The following ST7 variants were observed in gnomAD, a reference collection of about 807,000 sequenced individuals.
The protein encoded by ST7 is suppressor of tumorigenicity 7 protein.
ST7 carries 28 observed loss-of-function variants against 78.7 expected under a neutral mutation model. That is an observed-to-expected ratio of 0.36 (90% CI 0.26 to 0.49). The LOEUF (loss-of-function observed/expected upper bound fraction) is 0.49, where lower values mean the gene tolerates loss of function less well. Ranked by LOEUF, ST7 falls within the 20% of genes least tolerant of loss-of-function variation. The pLI, the probability that ST7 is intolerant of heterozygous loss-of-function variation, is 0.99. For synonymous variants in ST7, 247 were observed against 249.6 expected, an observed-to-expected ratio of 0.99 and a Z score of 0.10; for missense variants, 418 against 696.0, an observed-to-expected ratio of 0.60 and a Z score of 4.49.
At chr7:117,132,008 C>G in intron 6 of ST7, 48 bp downstream of exon 6, 1 of 1,526,150 alleles carries the variant, frequency 6.6e-7, no homozygotes, top group Non-Finnish European at 9.1e-7. Context: ...TCATCCTTTG[C>G]TGAATATATT....
intron 1 of ST7, among the ~76,000 whole-genome samples, chr7:117,097,832 A>G (rs1237986366): frequency 1.6e-5 from 2 of 128,476 alleles, no homozygotes; most frequent in Non-Finnish European, 3.2e-5. Context: ...CTATATATAT[A>G]TATATATATA....
intron 9 of ST7, among the ~76,000 whole-genome samples, chr7:117,147,427 G>A (rs886873213): frequency 6.6e-6 from 1 of 152,000 alleles, no homozygotes; most frequent in Non-Finnish European, 1.5e-5. Flanking sequence ...CTATGCCCAT[G>A]TATCTCAGTA....
chr7:117,165,202 G>A (rs971995083), intron 9 of ST7, among the ~76,000 whole-genome samples: 5 of 152,124 alleles, frequency 3.3e-5, no homozygotes, highest in Admixed American at 1.3e-4. Context: ...TAAAAGTTAC[G>A]CTTAGGAGCT....
At chr7:117,196,624 C>CTTTTTTTTTTTTTTTTTTTTTTTT (rs56133709) in intron 12 of ST7, among the ~76,000 whole-genome samples, 1 of 59,504 alleles carries the variant, frequency 1.7e-5, no homozygotes, top group African/African-American at 6.5e-5. Flanking sequence ...GATTGTTGGG[C>CTTTTTTTTTTTTTTTTTTTTTTTT]TTTTTTTTTT....
At chr7:116,968,385 T>G (rs1406062904) in intron 1 of ST7, 8 of 439,512 alleles carry the variant, frequency 1.8e-5, no homozygotes, top group Admixed American at 2.4e-5. Context: ...TCTTTTTGCT[T>G]CTTCTTGAGA....
At chr7:117,183,989 C>T (rs1369325386) in intron 10 of ST7, 3 of 152,074 alleles carry the variant, frequency 2.0e-5, no homozygotes, top group Non-Finnish European at 4.4e-5. Context: ...GTGAAAGGAA[C>T]CAGACAAAAA....
chr7:116,996,039 C>G (rs1240169677), intron 1 of ST7, among the ~76,000 whole-genome samples: 1 of 150,586 alleles, frequency 6.6e-6, no homozygotes, highest in African/African-American at 2.4e-5. Flanking sequence ...ACTGATGTGT[C>G]TTCCACTTTT....
chr7:117,109,272 A>T (rs964701122), intron 2 of ST7, among the ~76,000 whole-genome samples: 1 of 152,166 alleles, frequency 6.6e-6, no homozygotes, highest in Non-Finnish European at 1.5e-5. Flanking sequence ...TGTCCCTTCT[A>T]TGCCAATTCT....
At chr7:117,033,664 T>C (rs1796726119) in intron 1 of ST7, among the ~76,000 whole-genome samples, 1 of 152,166 alleles carries the variant, frequency 6.6e-6, no homozygotes. Flanking sequence ...CCTCAGTTGA[T>C]CCACCTGCCT....
intron 12 of ST7, among the ~76,000 whole-genome samples, chr7:117,204,746 C>T (rs182300942): frequency 6.6e-6 from 1 of 152,224 alleles, no homozygotes; most frequent in African/African-American, 2.4e-5. Flanking sequence ...GAGCCAGTTG[C>T]ACCAAAGCAT....
chr7:117,084,290 C>T (rs1799982335), intron 1 of ST7, among the ~76,000 whole-genome samples: 1 of 152,016 alleles, frequency 6.6e-6, no homozygotes, highest in Non-Finnish European at 1.5e-5. Flanking sequence ...AGATTGGGTG[C>T]TGAGAGATGG....
chr7:117,027,463 A>AAAAATTT (rs138336028), intron 1 of ST7, among the ~76,000 whole-genome samples: 5 of 140,630 alleles, frequency 3.6e-5, no homozygotes, highest in African/African-American at 1.4e-4. Context: ...AAAGTAAAGT[A>AAAAATTT]AAAGTAAAGT....
intron 2 of ST7, among the ~76,000 whole-genome samples, chr7:117,104,953 G>A (rs1324539896): frequency 6.6e-6 from 1 of 152,172 alleles, no homozygotes; most frequent in Non-Finnish European, 1.5e-5. Flanking sequence ...GTTACAGAAA[G>A]ATTGGGGTCT....
chr7:117,219,477 G>A lies in ST7; in HGVS notation c.1498+301G>A, dbSNP rs1395452394. Among the ~76,000 whole-genome samples, 1 of 152,206 alleles carries A rather than the reference G, an allele frequency of 6.6e-6. No individual in the cohort carries two copies. The highest frequency in any genetic ancestry group is 1.5e-5 in the Non-Finnish European group (1 of 68,040). On this transcript the variant is annotated intron_variant, in intron 14 of 15. Transcript: ENST00000323984. The surrounding 1 kb of genome is among the most constrained non-coding windows in gnomAD (Gnocchi z 5.1). Reference sequence around the variant, plus strand: ...CCCTGGTTTGGGCTGGTGTCTGCTGGGCTGGTCCATTGTGAGGGTTCTGCC... The same window carrying A: ...CCCTGGTTTGGGCTGGTGTCTGCTGAGCTGGTCCATTGTGAGGGTTCTGCC...
intron 12 of ST7, among the ~76,000 whole-genome samples, chr7:117,206,380 G>T (rs1791756522): frequency 6.6e-6 from 1 of 152,146 alleles, no homozygotes; most frequent in Admixed American, 6.5e-5. Flanking sequence ...GTGGGGAGGG[G>T]AAATTAAGGT....
chr7:117,222,819 G>A, intron 15 of ST7: 1 of 1,467,934 alleles, frequency 6.8e-7, no homozygotes, highest in South Asian at 1.1e-5. Context: ...AATCAGAAAG[G>A]ATGATTTCTA....
At chr7:116,957,245 A>G (rs1241678195) in intron 1 of ST7, 3 of 152,328 alleles carry the variant, frequency 2.0e-5, no homozygotes, top group African/African-American at 4.8e-5. Flanking sequence ...CTCTTAGACC[A>G]TACAGAGAAA....
intron 1 of ST7, among the ~76,000 whole-genome samples, chr7:117,037,694 A>G (rs1796966049): frequency 6.6e-6 from 1 of 152,204 alleles, no homozygotes; most frequent in Non-Finnish European, 1.5e-5. Flanking sequence ...GAGGGATCAA[A>G]TGAGACTTCC....
chr7:117,047,596 G>T (rs939294605), intron 1 of ST7, among the ~76,000 whole-genome samples: 21 of 152,120 alleles, frequency 1.4e-4, no homozygotes, highest in African/African-American at 5.1e-4. Flanking sequence ...TCTGTGCATT[G>T]TTAGATAGCT....
Sources: gnomAD v4.1 joint callset for allele counts (sites outside exome capture counted in the v4.1 genomes callset) on GRCh38, gnomAD v4.1.1 for gene constraint, Gnocchi (gnomAD v3.1) non-coding constraint, MANE v1.5 for transcripts, NCBI Gene and HGNC (gene_info 2026-07-23, HGNC 2026-07-21) for gene names.